The following ZNF540 variants were observed in gnomAD, a reference collection of about 807,000 sequenced individuals.
The protein encoded by ZNF540 is zinc finger protein 540.
In ZNF540, 3 loss-of-function variants were observed where a neutral mutation model predicts 11.8. The ratio of observed to expected loss-of-function variants is 0.25; its 90% confidence interval spans 0.12 to 0.65. The LOEUF (loss-of-function observed/expected upper bound fraction) is 0.65. Among genes scored for constraint, ZNF540 ranks in the 30% least tolerant of loss-of-function variants. The pLI is 0.83. For missense variants in ZNF540, 709 were observed against 793.1 expected (o/e 0.89, Z 1.27); for synonymous variants, 247 against 259.0 (o/e 0.95, Z 0.45).
chr19:37,605,290 T>C (rs1482553752), intron 4 of ZNF540, among the ~76,000 whole-genome samples: 2 of 151,906 alleles, frequency 1.3e-5, no homozygotes, highest in Admixed American at 1.3e-4. Context: ...GCAAACCCTG[T>C]CTCTACTAAA....
chr19:37,584,174 A>T (rs2043577844), intron 1 of ZNF540: 2 of 1,599,544 alleles, frequency 1.3e-6, no homozygotes, highest in South Asian at 1.1e-5. Context: ...TGGAGGAGGT[A>T]ATTGAAGGAA....
chr19:37,591,007 T>C (rs1364844980), upstream of ZNF540, among the ~76,000 whole-genome samples: 2 of 152,216 alleles, frequency 1.3e-5, no homozygotes, highest in South Asian at 2.1e-4. Flanking sequence ...AAAACAGAGA[T>C]ACAAGTATAA....
chr19:37,604,721 C>G (rs1232793143), intron 4 of ZNF540, among the ~76,000 whole-genome samples: 2 of 152,124 alleles, frequency 1.3e-5, no homozygotes, highest in African/African-American at 4.8e-5. Context: ...TTGTAATCAT[C>G]ACCACTTCAG....
chr19:37,552,774 C>G (rs916085066), intron 1 of ZNF540, among the ~76,000 whole-genome samples: 1 of 152,072 alleles, frequency 6.6e-6, no homozygotes, highest in African/African-American at 2.4e-5. Context: ...ATGGTGAAAC[C>G]CCATCTCTAC....
At position 37,565,915 on chromosome 19, in the gene ZNF540, TTTC is replaced by T. The variant is rs758208030; in HGVS notation, c.-73+14253_-73+14255del. ...GCTTTTTGCTAAAGGTATTCCTGTGTTTCTTAACTTCAGAGCATTTTTCTATAT... is the reference window on the plus strand; with the variant it reads ...GCTTTTTGCTAAAGGTATTCCTGTGTTTAACTTCAGAGCATTTTTCTATAT... On this transcript the variant is annotated intron_variant, in intron 1 of 4. Coordinates refer to the ZNF540 transcript ENST00000592533. 9.3e-6 allele frequency: 15 copies of T among 1,613,794 alleles called. No individual in the cohort carries two copies. The Admixed American group carries it at 1.3e-4, about 14-fold the overall frequency.
chr19:37,566,254 TGGA>T (rs780369689), intron 1 of ZNF540: 10 of 1,613,090 alleles, frequency 6.2e-6, no homozygotes, highest in Non-Finnish European at 8.5e-6. Context: ...TTTCCTTTTC[TGGA>T]GATAACTTTT....
intron 1 of ZNF540, among the ~76,000 whole-genome samples, chr19:37,571,505 AAAAC>A (rs1222502679): frequency 6.6e-6 from 1 of 152,182 alleles, no homozygotes; most frequent in Non-Finnish European, 1.5e-5. Flanking sequence ...CAAAAAAACA[AAAAC>A]AAACAAAAAA....
rs1362844498 is a variant in ZNF540 at position 37,557,857 on chromosome 19, A to G, written c.-73+6192A>G. ...TTAAATTTTGGCCCAGAGTTAACTT[A>G]TCAGCCTCTTGGACTAGGCTTGCTG... On this transcript the variant is annotated intron_variant, in intron 1 of 4. Coordinates refer to the ZNF540 transcript ENST00000592533. Among the ~76,000 whole-genome samples, 3 of 152,162 alleles carry G rather than the reference A, an allele frequency of 2.0e-5. No individual in the cohort carries two copies. The East Asian group carries it at 5.8e-4, about 29-fold the overall frequency.
At chr19:37,565,480 AAAGGCCTTT>A (rs776099756) in intron 1 of ZNF540, 1 of 1,613,384 alleles carries the variant, frequency 6.2e-7, no homozygotes, top group Non-Finnish European at 8.5e-7. Flanking sequence ...AACCAAGAAT[AAAGGCCTTT>A]CCACATTCCT....
In ZNF540 at chr19:37,564,806, C is replaced by T. The variant is rs761120513; in HGVS notation, c.-73+13141C>T. The stretch of plus-strand genomic sequence containing the variant: ...CAGATGTTCAGTAAGGTGTGAGCCA[C>T]GAATAAAAGCCTTCCCACACTGTTT... On this transcript the variant is annotated intron_variant, in intron 1 of 4. Coordinates refer to the ZNF540 transcript ENST00000592533. The T allele has an allele frequency of 8.7e-6, 14 of 1,613,794 alleles. No individual in the cohort carries two copies. Among genetic ancestry groups the T allele is most frequent in the South Asian group, 3.3e-5 (3 of 91,052 alleles).
chr19:37,605,388 G>A (rs759371944), intron 4 of ZNF540, among the ~76,000 whole-genome samples: 4 of 152,124 alleles, frequency 2.6e-5, no homozygotes, highest in Non-Finnish European at 5.9e-5. Context: ...GGTGGCTCAT[G>A]CCTGTAATCC....
rs537491552 is a variant in ZNF540, at chr19:37,584,679, T to C, written c.-72-13697T>C. On this transcript the variant is annotated intron_variant, in intron 1 of 4. Coordinates refer to the ZNF540 transcript ENST00000592533. ...GGGAGTATCTGAATTAGACAAATTC[T>C]CGGCCGGGCGCGGTGGCTCACGCTT... Among the ~76,000 whole-genome samples, 6 of 152,300 alleles carry C rather than the reference T, an allele frequency of 3.9e-5. No individual in the cohort carries two copies. The South Asian group carries it at 1.2e-3, about 32-fold the overall frequency.
intron 4 of ZNF540, among the ~76,000 whole-genome samples, chr19:37,603,090 C>T (rs756133903): frequency 1.3e-5 from 2 of 150,440 alleles, no homozygotes; most frequent in Non-Finnish European, 3.0e-5. Context: ...TCACTGCAAC[C>T]TCCACCTCCC....
chr19:37,574,077 T>C (rs1156231035), intron 1 of ZNF540, among the ~76,000 whole-genome samples: 1 of 152,154 alleles, frequency 6.6e-6, no homozygotes, highest in Non-Finnish European at 1.5e-5. Flanking sequence ...TCTGGATCCA[T>C]TATTCGTACC....
chr19:37,569,963 A>G lies in ZNF540; in HGVS notation c.-73+18298A>G, dbSNP rs1489580620. The G allele has an allele frequency of 6.6e-6, 1 of 152,008 alleles. No individual in the cohort carries two copies. The highest frequency in any genetic ancestry group is 6.6e-5 in the Admixed American group (1 of 15,234). The allele number at this position is 152,008 out of a possible 1,614,324, so 9.4% of individuals were successfully genotyped here. A position where few individuals can be genotyped will look rare whatever the true frequency, so the allele number is the denominator to read the frequency against. On this transcript the variant is annotated intron_variant, in intron 1 of 4. Transcript: ENST00000592533. The surrounding 1 kb of genome is among the most constrained non-coding windows in gnomAD (Gnocchi z 4.4). ...CTTCTGTAAGACAGCCACTCCACCC[A>G]CTGCAGTCTACAAGGAAAGCCTCCA...
At chr19:37,587,002 A>G in intron 1 of ZNF540, 1 of 312,370 alleles carries the variant, frequency 3.2e-6, no homozygotes, top group Non-Finnish European at 5.8e-6. Flanking sequence ...ATGCCCAGGG[A>G]GCCCCCCACC....
chr19:37,557,762 C>T lies in ZNF540; in HGVS notation c.-73+6097C>T, dbSNP rs188154191. Among the ~76,000 whole-genome samples, 7 of 152,218 alleles carry T rather than the reference C, an allele frequency of 4.6e-5. No homozygotes were observed. In the East Asian group the frequency reaches 1.4e-3, roughly 29 times the overall value. On this transcript the variant is annotated intron_variant, in intron 1 of 4. Transcript: ENST00000592533. ...CAGTAAACTCTGATATTGCAAGATGCGAGCATTTGACATCCATTCGCCAGA... is the reference window on the plus strand; with the variant it reads ...CAGTAAACTCTGATATTGCAAGATGTGAGCATTTGACATCCATTCGCCAGA...
intron 1 of ZNF540, among the ~76,000 whole-genome samples, chr19:37,573,806 C>G (rs2043148606): frequency 6.7e-6 from 1 of 150,068 alleles, no homozygotes; most frequent in African/African-American, 2.5e-5. Flanking sequence ...GCACTCCAGT[C>G]TGCGCAACAG....
At chr19:37,599,127 C>T (rs1259695480) in intron 2 of ZNF540, among the ~76,000 whole-genome samples, 2 of 152,126 alleles carry the variant, frequency 1.3e-5, no homozygotes, top group African/African-American at 4.8e-5. Flanking sequence ...CACTGTACTC[C>T]AGCGTGGGCA....
Sources: allele counts gnomAD v4.1 joint callset (sites outside exome capture counted in the v4.1 genomes callset), GRCh38; gene constraint gnomAD v4.1.1; non-coding constraint Gnocchi (gnomAD v3.1); transcripts MANE v1.5; gene names NCBI Gene and HGNC (gene_info 2026-07-23, HGNC 2026-07-21).